LRFN5: variants seen among roughly 807,000 people sequenced by gnomAD.
The protein encoded by LRFN5 is leucine rich repeat and fibronectin type III domain containing 5.
Under a neutral mutation model 45.6 loss-of-function variants are expected in LRFN5, and 24 were observed. The ratio of observed to expected loss-of-function variants is 0.53; its 90% CI spans 0.38 to 0.74. The LOEUF is 0.74. LRFN5 is among the 30% of genes least tolerant of loss of function. The pLI, the probability that LRFN5 is intolerant of heterozygous loss-of-function variation, is 0.00. For synonymous variants in LRFN5, 340 were observed against 313.8 expected, an observed-to-expected ratio of 1.08 and a Z score of -0.88; for missense variants, 776 against 861.5, an observed-to-expected ratio of 0.90 and a Z score of 1.24.
chr14:41,698,941 G>A (rs916057300), intron 1 of LRFN5, among the ~76,000 whole-genome samples: 50 of 151,902 alleles, frequency 3.3e-4, no homozygotes, highest in Non-Finnish European at 5.6e-4. Flanking sequence ...GTAGTGATCA[G>A]AAAATTTAAT....
At chr14:41,859,987 C>T (rs1466164678) in intron 2 of LRFN5, among the ~76,000 whole-genome samples, 2 of 152,080 alleles carry the variant, frequency 1.3e-5, no homozygotes, top group African/African-American at 4.8e-5. Flanking sequence ...GTGGAGTATA[C>T]TTGGAGATGG....
At chr14:41,694,207 C>T (rs555061911) in intron 1 of LRFN5, among the ~76,000 whole-genome samples, 74 of 151,958 alleles carry the variant, frequency 4.9e-4, no homozygotes, top group African/African-American at 1.7e-3. Context: ...TTGAAATTTA[C>T]TCTGTTAGTT....
chr14:41,668,991 A>C (rs764234628), intron 1 of LRFN5, among the ~76,000 whole-genome samples: 1 of 152,142 alleles, frequency 6.6e-6, no homozygotes, highest in Non-Finnish European at 1.5e-5. Flanking sequence ...TATAAAGAAG[A>C]GAAAAAAAGT....
intron 1 of LRFN5, among the ~76,000 whole-genome samples, chr14:41,727,774 G>A (rs1337917910): frequency 6.6e-6 from 1 of 152,064 alleles, no homozygotes; most frequent in Non-Finnish European, 1.5e-5. Flanking sequence ...GAAATGTATG[G>A]ATCTTAGTTC....
chr14:41,745,547 T>C (rs186325264), intron 1 of LRFN5, among the ~76,000 whole-genome samples: 152 of 152,014 alleles, frequency 1.0e-3, no homozygotes, highest in African/African-American at 3.5e-3. Flanking sequence ...GCAGAGATCA[T>C]TGAAATAAAT....
intron 1 of LRFN5, among the ~76,000 whole-genome samples, chr14:41,688,342 G>C (rs6572106): frequency 0.52 from 79,313 of 151,862 alleles, 22,307 homozygotes; most frequent in East Asian, 0.96. Flanking sequence ...ATAAAGAAAG[G>C]AAAAATGCTC....
intron 2 of LRFN5, among the ~76,000 whole-genome samples, chr14:41,869,858 A>C (rs553137258): frequency 1.4e-3 from 208 of 152,230 alleles, no homozygotes; most frequent in Non-Finnish European, 2.6e-3. Context: ...GACACATGGG[A>C]ATTGTGGGAG....
At position 41,651,292 on chromosome 14, in the gene LRFN5, T is replaced by C. The variant is rs1219234840; in HGVS notation, c.-197+42730T>C. 2.0e-5 allele frequency among the ~76,000 whole-genome samples: 3 copies of C among 152,262 alleles called. No homozygotes were observed. The East Asian group carries it at 5.8e-4, about 29-fold the overall frequency. On this transcript the variant is annotated intron_variant, in intron 1 of 5. Transcript: ENST00000298119. Reference sequence around the variant, plus strand: ...CTACAAAAATGCCCGGTCACTCAGCTAACCTGAAATGGTAGTTCTCTAACT... The same window carrying C: ...CTACAAAAATGCCCGGTCACTCAGCCAACCTGAAATGGTAGTTCTCTAACT...
At chr14:41,687,635 C>T (rs1046299325) in intron 1 of LRFN5, among the ~76,000 whole-genome samples, 5 of 152,198 alleles carry the variant, frequency 3.3e-5, no homozygotes, top group Non-Finnish European at 5.9e-5. Flanking sequence ...GCTACATATA[C>T]ACCATGGAAT....
chr14:41,625,307 G>A (rs1490372509), intron 1 of LRFN5, among the ~76,000 whole-genome samples: 1 of 152,080 alleles, frequency 6.6e-6, no homozygotes. Flanking sequence ...TTTCCCCTAT[G>A]CTGTTCTTGT....
chr14:41,674,450 G>A (rs1194597618), intron 1 of LRFN5, among the ~76,000 whole-genome samples: 2 of 141,234 alleles, frequency 1.4e-5, no homozygotes, highest in Admixed American at 6.8e-5. Context: ...CAGTAGGGGC[G>A]GCCGGGCAGA....
chr14:41,700,267 A>T (rs1161561042), intron 1 of LRFN5: 1 of 152,120 alleles, frequency 6.6e-6, no homozygotes, highest in Non-Finnish European at 1.5e-5. Context: ...GCAGGTAGCT[A>T]GAAAGGAACA....
intron 1 of LRFN5, among the ~76,000 whole-genome samples, chr14:41,660,026 T>C (rs1880571691): frequency 6.6e-6 from 1 of 152,078 alleles, no homozygotes; most frequent in South Asian, 2.1e-4. Flanking sequence ...AGTTTTATTT[T>C]ATTTATTTAT....
chr14:41,824,315 T>C (rs1345698986), intron 2 of LRFN5, among the ~76,000 whole-genome samples: 1 of 152,224 alleles, frequency 6.6e-6, no homozygotes, highest in Admixed American at 6.5e-5. Context: ...TTGAATTTAC[T>C]TTTGGTCAGT....
chr14:41,694,206 ACT>A (rs1193378962), intron 1 of LRFN5, among the ~76,000 whole-genome samples: 6 of 151,862 alleles, frequency 4.0e-5, no homozygotes, highest in African/African-American at 1.4e-4. Context: ...TTTGAAATTT[ACT>A]CTGTTAGTTA....
intron 2 of LRFN5, among the ~76,000 whole-genome samples, chr14:41,811,500 G>A (rs149062115): frequency 1.7e-3 from 266 of 152,012 alleles, no homozygotes; most frequent in African/African-American, 6.1e-3. Context: ...ATTCATAATA[G>A]CCCAAAAATG....
intron 2 of LRFN5, among the ~76,000 whole-genome samples, chr14:41,836,205 G>T (rs972550878): frequency 2.0e-5 from 3 of 152,116 alleles, no homozygotes; most frequent in Admixed American, 6.5e-5. Flanking sequence ...AGTGTAAATT[G>T]TCACGCTTCC....
chr14:41,620,976 TA>T (rs11415882), intron 1 of LRFN5, among the ~76,000 whole-genome samples: 6 of 151,762 alleles, frequency 4.0e-5, no homozygotes, highest in Non-Finnish European at 8.8e-5. Context: ...CATACATTAA[TA>T]AAAAATATTG....
At position 41,773,010 on chromosome 14, in the gene LRFN5, C is replaced by G. The variant is rs151145208; in HGVS notation, c.-21+5981C>G. On this transcript the variant is annotated intron_variant, in intron 2 of 5. Coordinates refer to ENST00000298119, the MANE Select transcript of LRFN5 (RefSeq NM_152447.5). ...CGATGTATCTATTTTGCTTATTCTC[C>G]ACATGCAGACAGAGAGAGCTTACAA... Among the ~76,000 whole-genome samples the G allele has an allele frequency of 2.0e-5, 3 of 152,244 alleles. No homozygotes were observed. The East Asian group carries it at 5.8e-4, about 29-fold the overall frequency.
Sources: gnomAD v4.1 joint callset for allele counts (sites outside exome capture counted in the v4.1 genomes callset) on GRCh38, gnomAD v4.1.1 for gene constraint, MANE v1.5 for transcripts, NCBI Gene and HGNC (gene_info 2026-07-23, HGNC 2026-07-21) for gene names.